The following ATP8B4 variants were observed in gnomAD, a reference collection of about 807,000 sequenced individuals.
ATP8B4 encodes the protein ATPase phospholipid transporting 8B4 (putative), also known as probable phospholipid-transporting ATPase IM.
Under a neutral mutation model 145.6 loss-of-function variants are expected in ATP8B4, and 133 were observed. The ratio of observed to expected loss-of-function variants is 0.91; its 90% CI spans 0.79 to 1.05. The LOEUF is 1.05. Among genes scored for constraint, ATP8B4 ranks in the 50% least tolerant of loss-of-function variants. The probability of loss-of-function intolerance (pLI) is 0.00; values close to 1 mark genes in which losing one functional copy is unlikely to be tolerated. For synonymous variants in ATP8B4, 507 were observed against 492.9 expected, an observed-to-expected ratio of 1.03 and a Z score of -0.38; for missense variants, 1,458 against 1,425.2, an observed-to-expected ratio of 1.02 and a Z score of -0.37.
chr15:49,916,363 C>G (rs2039739645), intron 20 of ATP8B4, among the ~76,000 whole-genome samples: 1 of 152,110 alleles, frequency 6.6e-6, no homozygotes. Flanking sequence ...TATTTTATTT[C>G]ACATAAACAG....
chr15:50,025,136 T>C (rs1355985419), intron 6 of ATP8B4, among the ~76,000 whole-genome samples: 1 of 152,198 alleles, frequency 6.6e-6, no homozygotes, highest in African/African-American at 2.4e-5. Flanking sequence ...ATGGAGATTG[T>C]CTCAGCCTCA....
intron 1 of ATP8B4, among the ~76,000 whole-genome samples, chr15:50,163,612 G>A (rs917240167): frequency 1.3e-5 from 2 of 152,188 alleles, no homozygotes; most frequent in African/African-American, 2.4e-5. Flanking sequence ...GTCACCCAAG[G>A]CCTATGGTGA....
At chr15:50,129,079 T>C (rs909989322) in intron 1 of ATP8B4, among the ~76,000 whole-genome samples, 1 of 152,002 alleles carries the variant, frequency 6.6e-6, no homozygotes, top group African/African-American at 2.4e-5. Flanking sequence ...AAAAAATAAA[T>C]AAATAAATAA....
chr15:50,093,587 A>T (rs2055751774), intron 2 of ATP8B4, among the ~76,000 whole-genome samples: 1 of 151,936 alleles, frequency 6.6e-6, no homozygotes, highest in South Asian at 2.1e-4. Context: ...GAAGGCAATA[A>T]AAAGAAAATC....
intron 1 of ATP8B4, among the ~76,000 whole-genome samples, chr15:50,180,079 C>G (rs1000854520): frequency 6.6e-6 from 1 of 152,162 alleles, no homozygotes; most frequent in Non-Finnish European, 1.5e-5. Context: ...ATTGATTATA[C>G]TCTCACCCCC....
At chr15:50,156,961 T>C (rs2044429679) in intron 1 of ATP8B4, among the ~76,000 whole-genome samples, 1 of 152,182 alleles carries the variant, frequency 6.6e-6, no homozygotes, top group South Asian at 2.1e-4. Flanking sequence ...TCTTGAAAGA[T>C]TTTTAGAAAC....
At chr15:50,093,669 AGATAT>A (rs2055758286) in intron 2 of ATP8B4, among the ~76,000 whole-genome samples, 1 of 152,150 alleles carries the variant, frequency 6.6e-6, no homozygotes, top group Admixed American at 6.6e-5. Flanking sequence ...TAACTATATT[AGATAT>A]AAGTAAGTAG....
intron 16 of ATP8B4, 34 bp from the exon 17 acceptor site, chr15:49,923,528 A>C (rs2040446003): frequency 3.5e-6 from 5 of 1,414,596 alleles, no homozygotes; most frequent in Non-Finnish European, 3.9e-6. Flanking sequence ...AGCAGAATAT[A>C]ATCAACGTCA....
intron 3 of ATP8B4, among the ~76,000 whole-genome samples, chr15:50,051,088 G>A (rs897578368): frequency 1.4e-4 from 21 of 152,102 alleles, no homozygotes; most frequent in African/African-American, 3.9e-4. Flanking sequence ...CTCACATGTC[G>A]TAGGAGGGAC....
At chr15:50,079,517 T>A (rs2054406859) in intron 2 of ATP8B4, among the ~76,000 whole-genome samples, 1 of 152,204 alleles carries the variant, frequency 6.6e-6, no homozygotes, top group Non-Finnish European at 1.5e-5. Flanking sequence ...TGGTAGGTAA[T>A]AATAAATCAA....
intron 25 of ATP8B4, among the ~76,000 whole-genome samples, chr15:49,869,599 A>G (rs554341979): frequency 3.4e-4 from 52 of 152,334 alleles, no homozygotes; most frequent in Non-Finnish European, 7.2e-4. Context: ...TGAGGTAAAA[A>G]TCTCTTTGAA....
At chr15:50,016,527 G>A (rs1468892896) in intron 6 of ATP8B4, among the ~76,000 whole-genome samples, 1 of 152,170 alleles carries the variant, frequency 6.6e-6, no homozygotes, top group Non-Finnish European at 1.5e-5. Flanking sequence ...AGCACTGCTG[G>A]ACAGAGGGAG....
chr15:49,966,950 G>A (rs914077578), intron 13 of ATP8B4, among the ~76,000 whole-genome samples: 1 of 152,164 alleles, frequency 6.6e-6, no homozygotes, highest in African/African-American at 2.4e-5. Context: ...CTGTTCTGCA[G>A]CCTCCGCTGG....
chr15:49,868,968 G>A (rs182115885), intron 25 of ATP8B4, among the ~76,000 whole-genome samples: 2 of 152,276 alleles, frequency 1.3e-5, no homozygotes, highest in East Asian at 3.9e-4. Context: ...GTCGCCAATG[G>A]TGTGATCTTG....
chr15:50,036,574 A>C (rs1048697798), intron 6 of ATP8B4, among the ~76,000 whole-genome samples: 1 of 152,240 alleles, frequency 6.6e-6, no homozygotes, highest in African/African-American at 2.4e-5. Context: ...GCCTGAGCAC[A>C]TTCTACAGAA....
chr15:50,048,737 G>A (rs1412791388), intron 3 of ATP8B4, among the ~76,000 whole-genome samples: 1 of 151,938 alleles, frequency 6.6e-6, no homozygotes, highest in African/African-American at 2.4e-5. Context: ...ATGGGCAAAG[G>A]GGACATTACC....
intron 20 of ATP8B4, chr15:49,902,336 T>G (rs1436712933): frequency 1.3e-5 from 2 of 152,232 alleles, no homozygotes; most frequent in Admixed American, 1.3e-4. Flanking sequence ...CTGAGGCTCC[T>G]CTGAAAGAAG....
At chr15:50,129,946 CAAAAA>C (rs59921497) in intron 1 of ATP8B4, among the ~76,000 whole-genome samples, 1 of 88,154 alleles carries the variant, frequency 1.1e-5, no homozygotes, top group Non-Finnish European at 2.2e-5. Flanking sequence ...GACTCTGACT[CAAAAA>C]AAAAAAAAAA....
intron 7 of ATP8B4, among the ~76,000 whole-genome samples, chr15:50,002,573 T>C (rs2047983965): frequency 6.6e-6 from 1 of 152,092 alleles, no homozygotes; most frequent in Non-Finnish European, 1.5e-5. Flanking sequence ...TGGAAATATA[T>C]GCACAAACTT....
Sources: gnomAD v4.1 joint callset for allele counts (sites outside exome capture counted in the v4.1 genomes callset) on GRCh38, gnomAD v4.1.1 for gene constraint, MANE v1.5 for transcripts, NCBI Gene and HGNC (gene_info 2026-07-23, HGNC 2026-07-21) for gene names.